The following JARID2 variants were observed in gnomAD, a reference collection of about 807,000 sequenced individuals.
The protein encoded by JARID2 is protein Jumonji.
JARID2 carries 21 observed loss-of-function variants against 125.6 expected under a neutral mutation model. The observed-to-expected ratio is 0.17, with a 90% CI of 0.12 to 0.24. The LOEUF is 0.24. Ranked by LOEUF, JARID2 falls within the 10% of genes least tolerant of loss-of-function variation. The pLI is 1.00. For synonymous variants in JARID2, 736 were observed against 661.6 expected (o/e 1.11, Z -1.73); for missense variants, 1,303 against 1,639.6 (o/e 0.79, Z 3.55).
At chr6:15,274,813 C>T (rs577359745) in intron 1 of JARID2, among the ~76,000 whole-genome samples, 37 of 152,284 alleles carry the variant, frequency 2.4e-4, no homozygotes, top group African/African-American at 8.9e-4. Context: ...CTGATTCTTC[C>T]TTCTAGTCCT....
intron 2 of JARID2, among the ~76,000 whole-genome samples, chr6:15,399,161 A>C (rs1382582765): frequency 6.6e-6 from 1 of 152,170 alleles, no homozygotes; most frequent in African/African-American, 2.4e-5. Context: ...GCACTAAATA[A>C]GGGTCTGCTC....
Position 15,395,969 on chromosome 6 carries a change from C to T in JARID2, c.182-14255C>T, listed in dbSNP as rs1220642368. 2.0e-5 allele frequency among the ~76,000 whole-genome samples: 3 copies of T among 152,278 alleles called. No homozygotes were observed. The East Asian group carries it at 5.8e-4, about 29-fold the overall frequency. On this transcript the variant is annotated intron_variant, in intron 2 of 17. Transcript: ENST00000341776. ...TGAGCCACCGCAGGTGGCCTCAGTG[C>T]TTTTAATATACAGTTTTCCTTTCTT...
At chr6:15,413,205 G>T (rs1765981082) in intron 3 of JARID2, among the ~76,000 whole-genome samples, 1 of 151,808 alleles carries the variant, frequency 6.6e-6, no homozygotes, top group African/African-American at 2.4e-5. Context: ...TTTTAGTGGA[G>T]ACAGGGTTTC....
intron 3 of JARID2, among the ~76,000 whole-genome samples, chr6:15,446,215 A>G (rs1240832617): frequency 2.0e-5 from 3 of 152,156 alleles, no homozygotes; most frequent in Non-Finnish European, 4.4e-5. Context: ...TCCAGCATCT[A>G]TGGAGGCCTT....
chr6:15,362,752 G>A (rs553653341), intron 1 of JARID2, among the ~76,000 whole-genome samples: 224 of 152,282 alleles, frequency 1.5e-3, no homozygotes, highest in Middle Eastern at 3.4e-3. Context: ...GAGAAAGAAC[G>A]TGGGGTAGAT....
At chr6:15,365,800 GGAA>G (rs978814275) in intron 1 of JARID2, among the ~76,000 whole-genome samples, 19 of 152,104 alleles carry the variant, frequency 1.2e-4, no homozygotes, top group African/African-American at 4.6e-4. Context: ...CCTAGGCAAG[GGAA>G]CATCATTCAC....
intron 1 of JARID2, among the ~76,000 whole-genome samples, chr6:15,297,407 G>T (rs1013541732): frequency 4.0e-5 from 6 of 151,716 alleles, no homozygotes. Flanking sequence ...CTCGGCCTGG[G>T]ATTACAAGCA....
chr6:15,251,833 C>G (rs910776063), intron 1 of JARID2, among the ~76,000 whole-genome samples: 1 of 151,988 alleles, frequency 6.6e-6, no homozygotes, highest in Non-Finnish European at 1.5e-5. Context: ...CAAAAATTAC[C>G]CGGGCATGGT....
intron 1 of JARID2, among the ~76,000 whole-genome samples, chr6:15,319,717 A>T (rs192977522): frequency 1.9e-3 from 291 of 152,284 alleles, no homozygotes; most frequent in Non-Finnish European, 1.8e-3. Flanking sequence ...ATTAGAAGTG[A>T]GATCTGTGTT....
chr6:15,380,473 T>C (rs1764537765), intron 2 of JARID2, among the ~76,000 whole-genome samples: 1 of 152,226 alleles, frequency 6.6e-6, no homozygotes, highest in Non-Finnish European at 1.5e-5. Context: ...TGAATTGGTT[T>C]CCTCCTCTCT....
chr6:15,485,979 G>A (rs1228140439), intron 5 of JARID2, among the ~76,000 whole-genome samples: 1 of 152,226 alleles, frequency 6.6e-6, no homozygotes, highest in East Asian at 1.9e-4. Context: ...TGCTGTGGGG[G>A]TGAGGGAATT....
chr6:15,369,450 C>A (rs1477150700), intron 1 of JARID2: 1 of 296,908 alleles, frequency 3.4e-6, no homozygotes, highest in East Asian at 7.6e-5. Flanking sequence ...GGGCGTATTC[C>A]TGTGTCCTCT....
At chr6:15,321,992 C>T (rs1378489665) in intron 1 of JARID2, among the ~76,000 whole-genome samples, 1 of 151,850 alleles carries the variant, frequency 6.6e-6, no homozygotes, top group East Asian at 1.9e-4. Context: ...GGGGTTTCAC[C>T]ATGTTGGCCA....
intron 1 of JARID2, among the ~76,000 whole-genome samples, chr6:15,300,722 T>TGAGAGAGAGAGAGAGAGAGAGA (rs57766040): frequency 6.3e-4 from 70 of 111,184 alleles, no homozygotes; most frequent in Non-Finnish European, 1.1e-3. Context: ...TGTGTGTGTG[T>TGAGAGAGAGAGAGAGAGAGAGA]GAGAGAGAGA....
rs1352779402 is a variant in JARID2, at chr6:15,516,137, C to T, written c.3451-1024C>T. Among the ~76,000 whole-genome samples, 8 of 152,270 alleles carry T rather than the reference C, an allele frequency of 5.3e-5. No homozygotes were observed. In the Middle Eastern group the frequency reaches 0.014, roughly 259 times the overall value. On this transcript the variant is annotated intron_variant, in intron 16 of 17. Transcript: ENST00000341776. ...TTCCTGTTCTTCCTGTCCTTGGCCC[C>T]GTGTCTCTCCAAGGTCTTGTTTCTG...
At chr6:15,488,013 C>T (rs1769965701) in intron 6 of JARID2, among the ~76,000 whole-genome samples, 1 of 152,166 alleles carries the variant, frequency 6.6e-6, no homozygotes, top group African/African-American at 2.4e-5. Context: ...GTGTGCACTG[C>T]CGAGCAGTCT....
intron 7 of JARID2, 83 bp from the exon 8 acceptor site, chr6:15,500,824 C>G (rs1770699152): frequency 8.0e-7 from 1 of 1,246,558 alleles, no homozygotes; most frequent in East Asian, 2.3e-5. Context: ...AGTAGGAGTT[C>G]AAGAAGTACA....
chr6:15,252,445 G>C (rs1401386821), intron 1 of JARID2, among the ~76,000 whole-genome samples: 2 of 152,084 alleles, frequency 1.3e-5, no homozygotes, highest in Admixed American at 6.5e-5. Context: ...TGGACTCCCT[G>C]TCTGCTTCAT....
intron 1 of JARID2, among the ~76,000 whole-genome samples, chr6:15,341,274 C>T (rs977217859): frequency 6.6e-6 from 1 of 152,112 alleles, no homozygotes; most frequent in African/African-American, 2.4e-5. Context: ...AATGTTTTTC[C>T]CTCCCATATG....
Sources: gnomAD v4.1 joint callset for allele counts (sites outside exome capture counted in the v4.1 genomes callset) on GRCh38, gnomAD v4.1.1 for gene constraint, MANE v1.5 for transcripts, NCBI Gene and HGNC (gene_info 2026-07-23, HGNC 2026-07-21) for gene names.